NSD1: variants seen among roughly 807,000 people sequenced by gnomAD.
NSD1 encodes the protein histone-lysine N-methyltransferase, H3 lysine-36 specific.
Under a neutral mutation model 242.7 loss-of-function variants are expected in NSD1, and 26 were observed. That is an observed-to-expected ratio of 0.11 (90% CI 0.08 to 0.15). The LOEUF (loss-of-function observed/expected upper bound fraction) is 0.15, where lower values mean the gene tolerates loss of function less well. Among genes scored for constraint, NSD1 ranks in the 10% least tolerant of loss-of-function variants. NSD1 has a pLI of 1.00. For missense variants in NSD1, 2,495 were observed against 3,272.8 expected (o/e 0.76, Z 5.80); for synonymous variants, 1,106 against 1,178.1 (o/e 0.94, Z 1.25).
chr5:177,272,275 A>G (rs938263743), intron 16 of NSD1, among the ~76,000 whole-genome samples: 2 of 151,954 alleles, frequency 1.3e-5, no homozygotes, highest in African/African-American at 4.8e-5. Flanking sequence ...GTTCTAGTCT[A>G]CCTCCTTAGA....
chr5:177,185,663 A>ATT (rs1761050448), intron 2 of NSD1, among the ~76,000 whole-genome samples: 1 of 123,646 alleles, frequency 8.1e-6, no homozygotes, highest in Non-Finnish European at 1.6e-5. Flanking sequence ...CCAAATATAT[A>ATT]TTATATATAT....
In NSD1 at chr5:177,298,738, G is replaced by T. The variant is rs78749307; in HGVS notation, c.*3279G>T. The T allele has an allele frequency of 3.3e-3, 772 of 233,296 alleles. 26 individuals are homozygous for T. The East Asian group carries it at 0.044, about 13-fold the overall frequency. 14.5% of individuals were successfully genotyped at this position (233,296 alleles called of 1,614,324 possible). On this transcript the variant is annotated 3_prime_UTR_variant, in exon 23 of 23. Transcript: ENST00000439151. ...TCTGCTCACTGGAGCCGGACTCCCA[G>T]GTTGTAATTCTAATGTTGCCTCATG...
rs1760090976 is a variant in NSD1, at chr5:177,294,260, G to C, written c.6892G>C (p.Asp2298His). The C allele has an allele frequency of 6.2e-7, 1 of 1,613,566 alleles. No individual in the cohort carries two copies. The highest frequency in any genetic ancestry group is 8.5e-7 in the Non-Finnish European group (1 of 1,179,538). The stretch of plus-strand genomic sequence containing the variant: ...GCCCCAGCCTTTAGATAAGGTCAGA[G>C]ACCTCGCTGGGTCAGGGACCAAATC... ...SRPQPLDKVR[D>H]LAGSGTKSQS... Residue 2298 changes from aspartate (D) to histidine (H), a missense_variant, in exon 23 of 23, where the codon GAC becomes CAC. Physicochemically the swap from Asp to His is moderately conservative, Grantham distance 81. Coordinates refer to ENST00000439151, the MANE Select transcript of NSD1 (RefSeq NM_022455.5).
intron 2 of NSD1, among the ~76,000 whole-genome samples, chr5:177,176,714 C>A (rs1227307794): frequency 1.3e-5 from 2 of 152,090 alleles, no homozygotes; most frequent in Non-Finnish European, 1.5e-5. Context: ...CAGTTAAAAC[C>A]TAGAAAGGCT....
intron 18 of NSD1, 81 bp downstream of exon 18, chr5:177,280,915 A>G (rs1758820769): frequency 6.9e-7 from 1 of 1,441,430 alleles, no homozygotes. Flanking sequence ...TAGAAAATTC[A>G]TCATAGAAGA....
chr5:177,156,174 A>ATTTTTTTTTTTTTTTTTTTTTTTT (rs34417228), intron 2 of NSD1, among the ~76,000 whole-genome samples: 1 of 78,008 alleles, frequency 1.3e-5, no homozygotes, highest in African/African-American at 5.4e-5. Flanking sequence ...CTCTTTTCAG[A>ATTTTTTTTTTTTTTTTTTTTTTTT]TTTTTTTTTT....
rs532829474 is a variant in NSD1 at position 177,137,279 on chromosome 5, G to A, written c.927+1249G>A. ...TGCCCAAACACATTGTTTGGTCACC[G>A]CCGGTAATGTTAGCAAAGAGAATTT... On this transcript the variant is annotated intron_variant, in intron 2 of 22. Transcript: ENST00000439151. The A allele has an allele frequency of 7.9e-5, 15 of 189,538 alleles. No homozygotes were observed. The South Asian group carries it at 1.3e-3, about 17-fold the overall frequency. The allele number at this position is 189,538 out of a possible 1,614,324, so 11.7% of individuals were successfully genotyped here. A position where few individuals can be genotyped will look rare whatever the true frequency, so the allele number is the denominator to read the frequency against.
intron 2 of NSD1, among the ~76,000 whole-genome samples, chr5:177,156,996 G>A (rs995839880): frequency 2.6e-5 from 4 of 151,546 alleles, no homozygotes; most frequent in African/African-American, 9.8e-5. Context: ...ATAAATAAAT[G>A]TATACTAACT....
chr5:177,251,906 T>C (rs1342084011), intron 12 of NSD1, 53 bp downstream of exon 12: 5 of 1,611,400 alleles, frequency 3.1e-6, no homozygotes, highest in Non-Finnish European at 4.2e-6. Flanking sequence ...ATTTTAAGTT[T>C]TTCAGGAAAG....
intron 22 of NSD1, among the ~76,000 whole-genome samples, chr5:177,292,481 C>T (rs1759920215): frequency 6.6e-6 from 1 of 152,110 alleles, no homozygotes; most frequent in African/African-American, 2.4e-5. Context: ...GGGAGGTGAT[C>T]TTTCACACAT....
chr5:177,137,717 C>T (rs1308909269), intron 2 of NSD1, among the ~76,000 whole-genome samples: 2 of 151,912 alleles, frequency 1.3e-5, no homozygotes, highest in African/African-American at 4.8e-5. Flanking sequence ...AGATGTTTCT[C>T]TAGAAGCATA....
Position 177,135,923 on chromosome 5 carries a change from A to G in NSD1, c.820A>G (p.Ile274Val), listed in dbSNP as rs201332180. Residue 274 changes from isoleucine to valine, a missense_variant, in exon 2 of 23, where the codon ATA becomes GTA. Physicochemically the swap from Ile to Val is conservative, Grantham distance 29 (BLOSUM62 3). Around this residue, in one of 19 missense-constraint regions of NSD1, gnomAD observed 376 missense variants for 367.4 expected, o/e 1.02. Transcript: ENST00000439151. ...TACAATAGAAGAGCAATTAAACTCA[A>G]TAAATTTATCTTTTCAGGATGATCC... ...NITIEEQLNS[I>V]NLSFQDDPDS... is the part of the protein sequence containing the mutation. 3 of 1,613,372 alleles carry G rather than the reference A, an allele frequency of 1.9e-6. No individual in the cohort carries two copies. The highest frequency in any genetic ancestry group is 1.7e-6 in the Non-Finnish European group (2 of 1,179,320).
At chr5:177,277,689 A>C (rs888612384) in intron 17 of NSD1, among the ~76,000 whole-genome samples, 1 of 152,096 alleles carries the variant, frequency 6.6e-6, no homozygotes, top group Non-Finnish European at 1.5e-5. Flanking sequence ...AACATAGCAA[A>C]ACCCAGTCTC....
chr5:177,221,480 A>G (rs1205162495), intron 5 of NSD1, among the ~76,000 whole-genome samples: 4 of 149,750 alleles, frequency 2.7e-5, no homozygotes, highest in Admixed American at 1.3e-4. Context: ...TTTCCCCCCA[A>G]TTTTTTTTCA....
chr5:177,273,339 T>C (rs1329317274), intron 16 of NSD1, among the ~76,000 whole-genome samples: 2 of 126,232 alleles, frequency 1.6e-5, no homozygotes, highest in Admixed American at 1.6e-4. Context: ...AAAAAGTCCA[T>C]GCATAATTTT....
At chr5:177,185,598 A>G (rs1162492307) in intron 2 of NSD1, among the ~76,000 whole-genome samples, 1 of 145,780 alleles carries the variant, frequency 6.9e-6, no homozygotes, top group Non-Finnish European at 1.5e-5. Context: ...GACTGTCTCA[A>G]AAAAACAAAA....
rs565158592 is a variant in NSD1, at chr5:177,258,379, T to G, written c.4966+1228T>G. ...GTTGATTTGTTTTTTGTTTGTTTGT[T>G]TTTTTAATGAAAACTCTTGTCCTAG... is the stretch of plus-strand genomic sequence containing the variant. On this transcript the variant is annotated intron_variant, in intron 13 of 22. Coordinates refer to ENST00000439151, the MANE Select transcript of NSD1 (RefSeq NM_022455.5). 2.0e-5 allele frequency among the ~76,000 whole-genome samples: 3 copies of G among 152,168 alleles called. No individual in the cohort carries two copies. The South Asian group carries it at 6.2e-4, about 32-fold the overall frequency.
At position 177,183,167 on chromosome 5, in the gene NSD1, A is replaced by G. The variant is rs1171801739; in HGVS notation, c.928-8717A>G. Reference sequence around the variant, plus strand: ...CTGGATATTCTTTTCTTTTAGCACTATATATTTTTTCCCCCAAATTTATAC... The same window carrying G: ...CTGGATATTCTTTTCTTTTAGCACTGTATATTTTTTCCCCCAAATTTATAC... On this transcript the variant is annotated intron_variant, in intron 2 of 22. Transcript: ENST00000439151. 5.3e-5 allele frequency among the ~76,000 whole-genome samples: 8 copies of G among 152,220 alleles called. No homozygotes were observed. In the East Asian group the frequency reaches 1.2e-3, roughly 22 times the overall value.
In NSD1 at chr5:177,269,054, T is replaced by G. The variant is rs1450075220; in HGVS notation, c.5304-548T>G. 1.3e-5 allele frequency among the ~76,000 whole-genome samples: 2 copies of G among 152,186 alleles called. No homozygotes were observed. The highest frequency in any genetic ancestry group is 4.8e-5 in the African/African-American group (2 of 41,444). ...AAGTAGGTAGATAGAGGTTTCCAGC[T>G]TTAATAGGTAGTGCCAAATTGTCTC... is the stretch of plus-strand genomic sequence containing the variant. On this transcript the variant is annotated intron_variant, in intron 15 of 22. Coordinates refer to ENST00000439151, the MANE Select transcript of NSD1 (RefSeq NM_022455.5). The surrounding 1 kb of genome is among the most constrained non-coding windows in gnomAD (Gnocchi z 5.1).
Sources: gnomAD v4.1 joint callset for allele counts (sites outside exome capture counted in the v4.1 genomes callset) on GRCh38, gnomAD v4.1.1 for gene constraint, gnomAD v4.1.1 regional missense constraint, Gnocchi (gnomAD v3.1) non-coding constraint, MANE v1.5 for transcripts, NCBI Gene and HGNC (gene_info 2026-07-23, HGNC 2026-07-21) for gene names.